Variants in GABRR1 observed in about 807,000 individuals in gnomAD.
GABRR1 encodes the protein gamma-aminobutyric acid type A receptor subunit rho1, also known as gamma-aminobutyric acid receptor subunit rho-1.
In GABRR1, 59 loss-of-function variants were observed where a neutral mutation model predicts 55.5. That is an observed-to-expected ratio of 1.06 (90% CI 0.86 to 1.32). The LOEUF is 1.32. GABRR1 is among the 40% of genes most tolerant of loss of function. GABRR1 has a pLI of 0.00. For missense variants in GABRR1, 602 were observed against 619.1 expected (o/e 0.97, Z 0.29); for synonymous variants, 213 against 226.0 (o/e 0.94, Z 0.51).
At chr6:89,212,733 A>C (rs760923051) in intron 1 of GABRR1, among the ~76,000 whole-genome samples, 1 of 152,084 alleles carries the variant, frequency 6.6e-6, no homozygotes, top group Non-Finnish European at 1.5e-5. Flanking sequence ...CAGTGGCATG[A>C]TCACGGCTCA....
At chr6:89,196,988 G>A (rs1249597697) in intron 5 of GABRR1, among the ~76,000 whole-genome samples, 7 of 152,116 alleles carry the variant, frequency 4.6e-5, no homozygotes, top group Non-Finnish European at 8.8e-5. Context: ...TCCTGGACCC[G>A]CCTGAGTACT....
intron 7 of GABRR1, among the ~76,000 whole-genome samples, chr6:89,183,099 A>G (rs1771779504): frequency 2.0e-5 from 3 of 151,210 alleles, no homozygotes; most frequent in Admixed American, 2.0e-4. Context: ...GTGTCCTTAC[A>G]AGGAAAACAT....
At chr6:89,209,664 C>A (rs2127804974) in intron 1 of GABRR1, among the ~76,000 whole-genome samples, 1 of 152,226 alleles carries the variant, frequency 6.6e-6, no homozygotes, top group Admixed American at 6.5e-5. Flanking sequence ...GCTATCACCG[C>A]AATCCCAAGA....
chr6:89,191,396 T>C (rs1033472943), intron 5 of GABRR1, among the ~76,000 whole-genome samples: 6 of 152,198 alleles, frequency 3.9e-5, no homozygotes, highest in African/African-American at 1.2e-4. Flanking sequence ...ATCATCAACA[T>C]GAAATAAGCT....
intron 1 of GABRR1, among the ~76,000 whole-genome samples, chr6:89,211,312 G>T (rs774637771): frequency 2.6e-5 from 4 of 152,098 alleles, no homozygotes; most frequent in Non-Finnish European, 5.9e-5. Flanking sequence ...ATGCCACATT[G>T]TTGCCGCCCC....
chr6:89,209,177 C>T (rs1052165382), intron 1 of GABRR1, among the ~76,000 whole-genome samples: 16 of 148,202 alleles, frequency 1.1e-4, no homozygotes, highest in Admixed American at 1.1e-3. Context: ...CCTAGATCAT[C>T]CCTTTTTTTT....
At chr6:89,197,316 A>C (rs1772328201) in intron 5 of GABRR1, among the ~76,000 whole-genome samples, 1 of 152,230 alleles carries the variant, frequency 6.6e-6, no homozygotes, top group Admixed American at 6.5e-5. Flanking sequence ...GCACAAGAGG[A>C]GCAGACCACA....
chr6:89,198,623 G>C (rs1489047019), intron 4 of GABRR1, among the ~76,000 whole-genome samples: 1 of 152,106 alleles, frequency 6.6e-6, no homozygotes, highest in Non-Finnish European at 1.5e-5. Flanking sequence ...ACATACCCCA[G>C]AGCCTGCACC....
At chr6:89,180,622 A>G in intron 8 of GABRR1, 134 bp from the exon 9 acceptor site, 1 of 1,041,786 alleles carries the variant, frequency 9.6e-7, no homozygotes, top group Non-Finnish European at 1.4e-6. Context: ...CTGCCCAGCA[A>G]ACACCTACAC....
Position 89,212,395 on chromosome 6 carries a change from T to C in GABRR1, c.122+4806A>G, listed in dbSNP as rs79731709. 1.0e-4 allele frequency among the ~76,000 whole-genome samples: 14 copies of C among 136,446 alleles called. 4 individuals are homozygous for C. The highest frequency in any genetic ancestry group is 3.8e-4 in the African/African-American group (14 of 37,248). The allele number at this position is 136,446 out of a possible 152,430, so 89.5% of individuals were successfully genotyped here. On this transcript the variant is annotated intron_variant, in intron 1 of 9. Coordinates refer to ENST00000454853, the MANE Select transcript of GABRR1 (RefSeq NM_002042.5). ...TCCCCTCTATCCCCCTTCCTGGTGTTCCATCATGCTGCTGAGCAAGCAAGC... is the reference window on the plus strand; with the variant it reads ...TCCCCTCTATCCCCCTTCCTGGTGTCCCATCATGCTGCTGAGCAAGCAAGC...
intron 7 of GABRR1, among the ~76,000 whole-genome samples, chr6:89,182,579 C>A (rs777289399): frequency 1.3e-5 from 2 of 152,170 alleles, no homozygotes; most frequent in Non-Finnish European, 2.9e-5. Context: ...TATGAACTAC[C>A]ATCACGCCTG....
At chr6:89,230,920 A>C (rs201124787) in intron 1 of GABRR1, among the ~76,000 whole-genome samples, 5 of 150,762 alleles carry the variant, frequency 3.3e-5, no homozygotes, top group Non-Finnish European at 7.4e-5. Context: ...GCGAGATTCC[A>C]TGGGCGTAGG....
chr6:89,184,877 T>TTTTC lies in GABRR1; in HGVS notation c.796+429_796+432dup, dbSNP rs201499128. Among the ~76,000 whole-genome samples, 1,382 of 143,340 alleles carry TTTTC rather than the reference T, an allele frequency of 9.6e-3. 88 individuals carry two copies. Among genetic ancestry groups the TTTTC allele is most frequent in the Middle Eastern group, 0.018 (5 of 272 alleles). 94.0% of individuals were successfully genotyped at this position (143,340 alleles called of 152,430 possible). Reference sequence around the variant, plus strand: ...ACTTAGGATTTCTGCCTTTAGTTTCTTTTCTTTCTTTTTTTTTTTTTTTTT... The same window carrying TTTTC: ...ACTTAGGATTTCTGCCTTTAGTTTCTTTTCTTTCTTTCTTTTTTTTTTTTTTTTT... On this transcript the variant is annotated intron_variant, in intron 7 of 9. Transcript: ENST00000454853.
chr6:89,179,499 C>T (rs1582370409), intron 9 of GABRR1, among the ~76,000 whole-genome samples: 1 of 152,190 alleles, frequency 6.6e-6, no homozygotes, highest in South Asian at 2.1e-4. Flanking sequence ...GGATTACAGG[C>T]GTGAGCCACT....
In GABRR1 at chr6:89,185,428, G is replaced by A. The variant is rs1236848851; in HGVS notation, c.678C>T (p.Leu226=). ...IESYAYTEDD[L]MLYWKKGNDS... is the part of the protein sequence containing the mutation. ...CATTGCCCTTTTTCCAGTACAGCAT[G>A]AGGTCATCTTCTGTATAGGCATCTG... Residue 226 remains leucine (L), a synonymous_variant, in exon 7 of 10, where the codon CTC becomes CTT. Coordinates refer to ENST00000454853, the MANE Select transcript of GABRR1 (RefSeq NM_002042.5). 1 of 1,613,502 alleles carries A rather than the reference G, an allele frequency of 6.2e-7. No homozygotes were observed. The highest frequency in any genetic ancestry group is 8.5e-7 in the Non-Finnish European group (1 of 1,179,518).
At chr6:89,227,996 A>G (rs1471513131) in intron 1 of GABRR1, among the ~76,000 whole-genome samples, 2 of 111,062 alleles carry the variant, frequency 1.8e-5, no homozygotes, top group Non-Finnish European at 3.8e-5. Context: ...GTCTTGGGAG[A>G]GTGTATGTGT....
chr6:89,208,612 C>T (rs778355566), intron 1 of GABRR1, among the ~76,000 whole-genome samples: 9 of 152,178 alleles, frequency 5.9e-5, no homozygotes, highest in East Asian at 5.8e-4. Flanking sequence ...TAAGGTTTCT[C>T]GAAGAAGAAG....
chr6:89,227,327 C>T (rs1198878079), intron 1 of GABRR1, among the ~76,000 whole-genome samples: 1 of 50,290 alleles, frequency 2.0e-5, no homozygotes, highest in Non-Finnish European at 3.6e-5. Flanking sequence ...TGAGAGAGGG[C>T]ATCCCTGTCT....
At chr6:89,190,289 A>T in intron 5 of GABRR1, 42 bp from the exon 6 acceptor site, 1 of 1,435,178 alleles carries the variant, frequency 7.0e-7, no homozygotes, top group Non-Finnish European at 9.6e-7. Context: ...AGAGCCTGCA[A>T]AAGACGAGTG....
Sources: gnomAD v4.1 joint callset for allele counts (sites outside exome capture counted in the v4.1 genomes callset) on GRCh38, gnomAD v4.1.1 for gene constraint, MANE v1.5 for transcripts, NCBI Gene and HGNC (gene_info 2026-07-23, HGNC 2026-07-21) for gene names.